The following IQCM variants were observed in gnomAD, a reference collection of about 807,000 sequenced individuals.
The protein encoded by IQCM is IQ domain-containing protein M.
Under a neutral mutation model 57.6 loss-of-function variants are expected in IQCM, and 45 were observed. The ratio of observed to expected loss-of-function variants is 0.78; its 90% CI spans 0.62 to 1.00. IQCM has a LOEUF of 1.00. Ranked by LOEUF, IQCM falls within the 50% of genes least tolerant of loss-of-function variation. The pLI is 0.00. For missense variants in IQCM, 468 were observed against 511.6 expected (o/e 0.91, Z 0.82); for synonymous variants, 148 against 158.9 (o/e 0.93, Z 0.51).
chr4:149,638,437 C>A (rs1757902601), intron 7 of IQCM, among the ~76,000 whole-genome samples: 1 of 151,634 alleles, frequency 6.6e-6, no homozygotes, highest in Non-Finnish European at 1.5e-5. Context: ...TATGCCCACA[C>A]AAATATGAGT....
intron 2 of IQCM, among the ~76,000 whole-genome samples, chr4:149,762,457 TAGAG>T (rs1769620370): frequency 6.6e-6 from 1 of 151,860 alleles, no homozygotes; most frequent in South Asian, 2.1e-4. Flanking sequence ...GTAGGGAAAA[TAGAG>T]GGATATGCAA....
intron 5 of IQCM, among the ~76,000 whole-genome samples, chr4:149,690,114 A>C (rs1762840273): frequency 8.5e-5 from 13 of 152,206 alleles, no homozygotes; most frequent in Admixed American, 8.5e-4. Flanking sequence ...TTGCACATGC[A>C]TGTTTATAGC....
chr4:149,749,862 A>T (rs1768271228), intron 2 of IQCM, among the ~76,000 whole-genome samples: 1 of 152,156 alleles, frequency 6.6e-6, no homozygotes, highest in Non-Finnish European at 1.5e-5. Context: ...AGCCACCAAG[A>T]TCTGTGCTGG....
At chr4:149,573,620 C>T (rs1178213948) in intron 9 of IQCM, among the ~76,000 whole-genome samples, 1 of 151,700 alleles carries the variant, frequency 6.6e-6, no homozygotes, top group South Asian at 2.1e-4. Flanking sequence ...TTCAGACATA[C>T]TTTCTCCTTC....
At chr4:149,756,322 TA>T (rs1768957330) in intron 2 of IQCM, among the ~76,000 whole-genome samples, 1 of 152,286 alleles carries the variant, frequency 6.6e-6, no homozygotes, top group East Asian at 1.9e-4. Flanking sequence ...GCAACTTTGA[TA>T]AAAGAACTCT....
At chr4:149,548,356 A>C in intron 12 of IQCM, 99 bp downstream of exon 12, 2 of 981,096 alleles carry the variant, frequency 2.0e-6, no homozygotes, top group Non-Finnish European at 2.6e-6. Context: ...AAGGGAAGGA[A>C]TGAAGAAAGG....
chr4:149,437,860 G>A (rs1384535299), intron 12 of IQCM, among the ~76,000 whole-genome samples: 1 of 152,196 alleles, frequency 6.6e-6, no homozygotes, highest in East Asian at 1.9e-4. Flanking sequence ...GAACATCTCA[G>A]ATGAAAGAAC....
At chr4:149,389,603 C>T (rs1731697709) in intron 13 of IQCM, among the ~76,000 whole-genome samples, 1 of 150,438 alleles carries the variant, frequency 6.6e-6, no homozygotes, top group Non-Finnish European at 1.5e-5. Context: ...TAAACTATCG[C>T]AAGAACAAAA....
intron 13 of IQCM, among the ~76,000 whole-genome samples, chr4:149,432,135 A>T (rs1277933766): frequency 6.6e-6 from 1 of 151,844 alleles, no homozygotes; most frequent in Non-Finnish European, 1.5e-5. Flanking sequence ...AAAGTATCAA[A>T]ATATTTTCAA....
intron 5 of IQCM, among the ~76,000 whole-genome samples, chr4:149,698,858 G>A (rs140949764): frequency 2.0e-5 from 3 of 152,128 alleles, no homozygotes; most frequent in Admixed American, 2.0e-4. Context: ...TCAACAAGTT[G>A]TATCACATCT....
At chr4:149,658,155 G>A (rs1759804191) in intron 7 of IQCM, among the ~76,000 whole-genome samples, 1 of 151,918 alleles carries the variant, frequency 6.6e-6, no homozygotes, top group African/African-American at 2.4e-5. Flanking sequence ...TAAGTCATTA[G>A]TCCATTTTGA....
chr4:149,676,291 C>T (rs1268514331), intron 7 of IQCM, among the ~76,000 whole-genome samples: 1 of 152,038 alleles, frequency 6.6e-6, no homozygotes, highest in Admixed American at 6.6e-5. Context: ...CCTGAATTCA[C>T]AATGTGATAG....
At chr4:149,478,508 G>C (rs1418708794) in intron 12 of IQCM, among the ~76,000 whole-genome samples, 1 of 152,134 alleles carries the variant, frequency 6.6e-6, no homozygotes, top group Non-Finnish European at 1.5e-5. Flanking sequence ...ATTAGTGAGA[G>C]GGATATGCTT....
chr4:149,618,495 G>T (rs1561066392), intron 8 of IQCM, among the ~76,000 whole-genome samples: 4 of 151,960 alleles, frequency 2.6e-5, no homozygotes, highest in Non-Finnish European at 5.9e-5. Context: ...AACAAAAATG[G>T]ACAAATGAGA....
intron 13 of IQCM, among the ~76,000 whole-genome samples, chr4:149,393,696 T>A (rs542585979): frequency 3.5e-4 from 53 of 152,002 alleles, no homozygotes; most frequent in African/African-American, 1.3e-3. Flanking sequence ...CATATTAATA[T>A]TATTAACCAA....
At chr4:149,811,666 T>C (rs1774578450) in intron 2 of IQCM, among the ~76,000 whole-genome samples, 1 of 152,170 alleles carries the variant, frequency 6.6e-6, no homozygotes, top group Admixed American at 6.5e-5. Context: ...TGGATGACAA[T>C]AGTGAACCCA....
chr4:149,804,310 G>A (rs983602746), intron 2 of IQCM, among the ~76,000 whole-genome samples: 23 of 151,938 alleles, frequency 1.5e-4, no homozygotes, highest in African/African-American at 5.6e-4. Flanking sequence ...AAAGTATGGG[G>A]GCCTTCCTTA....
chr4:149,713,189 T>TC (rs1172415369), intron 5 of IQCM, among the ~76,000 whole-genome samples: 1 of 152,078 alleles, frequency 6.6e-6, no homozygotes, highest in Non-Finnish European at 1.5e-5. Context: ...TTCGGGTTAT[T>TC]CCCTATCACC....
intron 12 of IQCM, among the ~76,000 whole-genome samples, chr4:149,529,873 T>A (rs920620577): frequency 6.6e-6 from 1 of 152,190 alleles, no homozygotes. Context: ...TCCATCATAT[T>A]TACAATAAAA....
Sources: gnomAD v4.1 joint callset for allele counts (sites outside exome capture counted in the v4.1 genomes callset) on GRCh38, gnomAD v4.1.1 for gene constraint, MANE v1.5 for transcripts, NCBI Gene and HGNC (gene_info 2026-07-23, HGNC 2026-07-21) for gene names.